The following DRD2 variants were observed in gnomAD, a reference collection of about 807,000 sequenced individuals.
DRD2 encodes the protein dopamine receptor D2.
A neutral mutation model predicts 38.0 loss-of-function variants in DRD2; 8 were observed. The ratio of observed to expected loss-of-function variants is 0.21; its 90% CI spans 0.12 to 0.38. The LOEUF (loss-of-function observed/expected upper bound fraction) is 0.38. Ranked by LOEUF, DRD2 falls within the 10% of genes least tolerant of loss-of-function variation. DRD2 has a pLI of 1.00. For synonymous variants in DRD2, 230 were observed against 238.6 expected, an observed-to-expected ratio of 0.96 and a Z score of 0.33; for missense variants, 403 against 607.7, an observed-to-expected ratio of 0.66 and a Z score of 3.54.
intron 1 of DRD2, among the ~76,000 whole-genome samples, chr11:113,454,258 A>T (rs540732437): frequency 5.3e-5 from 8 of 152,344 alleles, no homozygotes; most frequent in African/African-American, 1.2e-4. Context: ...TGAAGGAATT[A>T]GGATTCACGC....
intron 1 of DRD2, among the ~76,000 whole-genome samples, chr11:113,452,501 G>A (rs1170337018): frequency 6.7e-6 from 1 of 150,264 alleles, no homozygotes; most frequent in African/African-American, 2.5e-5. Flanking sequence ...TTGGGGGACA[G>A]GAAATGAGAC....
At chr11:113,470,080 CT>C (rs1951408901) in intron 1 of DRD2, among the ~76,000 whole-genome samples, 1 of 152,148 alleles carries the variant, frequency 6.6e-6, no homozygotes, top group Non-Finnish European at 1.5e-5. Flanking sequence ...AAGCCTGGTA[CT>C]AAGCCACTTT....
intron 1 of DRD2, among the ~76,000 whole-genome samples, chr11:113,426,668 T>A (rs1291105528): frequency 2.6e-5 from 4 of 152,146 alleles, no homozygotes; most frequent in Non-Finnish European, 5.9e-5. Flanking sequence ...CTTCCAGCTT[T>A]AGTAGAAGAA....
chr11:113,416,869 T>C lies in DRD2; in HGVS notation c.526A>G (p.Asn176Asp), dbSNP rs776148708. ...ISCPLLFGLN[N>D]ADQNECIIAN... is the part of the protein sequence containing the mutation. ...AAACAAAAGCAGAATGTACCTGCGTTATTGAGTCCGAAGAGGAGTGGGCAG... is the reference window on the plus strand; with the variant it reads ...AAACAAAAGCAGAATGTACCTGCGTCATTGAGTCCGAAGAGGAGTGGGCAG... The change falls in exon 4 of 8, where the codon AAC becomes GAC. Residue 176 changes from asparagine (N) to aspartate (D), a missense_variant. Coordinates refer to ENST00000362072, the MANE Select transcript of DRD2 (RefSeq NM_000795.4). 9.9e-6 allele frequency: 16 copies of C among 1,613,838 alleles called. No homozygotes were observed. The East Asian group carries it at 3.3e-4, about 34-fold the overall frequency.
chr11:113,423,647 T>C (rs1950907217), intron 2 of DRD2, among the ~76,000 whole-genome samples: 1 of 152,200 alleles, frequency 6.6e-6, no homozygotes, highest in Non-Finnish European at 1.5e-5. Flanking sequence ...TGGGTCTGTG[T>C]CAGCAATGCA....
rs1950780677 is a variant in DRD2 at position 113,412,690 on chromosome 11, G to T, written c.1004C>A (p.Pro335His). ...GATCTCAAAGATCTTGGCAATCTTG[G>T]GGTGGTCTTTGGCATGCCCATTCTT... ...PEKNGHAKDH[P>H]KIAKIFEIQT... The change falls in exon 7 of 8, where the codon CCC (proline) becomes CAC (histidine). Residue 335 changes from proline (P) to histidine (H), a missense_variant. By Grantham distance (77) the Pro-to-His change is moderately conservative. Coordinates refer to ENST00000362072, the MANE Select transcript of DRD2 (RefSeq NM_000795.4). 1 of 1,614,246 alleles carries T rather than the reference G, an allele frequency of 6.2e-7. No homozygotes were observed. Among genetic ancestry groups the T allele is most frequent in the African/African-American group, 1.3e-5 (1 of 75,064 alleles).
intron 1 of DRD2, among the ~76,000 whole-genome samples, chr11:113,441,655 G>A (rs1011243482): frequency 2.6e-5 from 4 of 152,076 alleles, no homozygotes; most frequent in African/African-American, 7.2e-5. Flanking sequence ...AGGACAGCCC[G>A]GCTCATGAGG....
intron 2 of DRD2, among the ~76,000 whole-genome samples, chr11:113,424,139 A>G (rs1225251032): frequency 1.3e-5 from 2 of 152,258 alleles, no homozygotes; most frequent in Non-Finnish European, 2.9e-5. Flanking sequence ...TAAAGTCCCT[A>G]CGTGAGGCCC....
intron 7 of DRD2, among the ~76,000 whole-genome samples, chr11:113,411,135 T>C (rs919395976): frequency 2.0e-5 from 3 of 152,098 alleles, no homozygotes; most frequent in African/African-American, 4.8e-5. Context: ...CTTCCCTCAT[T>C]TGTCCCTTTC....
intron 1 of DRD2, among the ~76,000 whole-genome samples, chr11:113,446,748 C>T (rs916834870): frequency 6.6e-6 from 1 of 152,174 alleles, no homozygotes; most frequent in Non-Finnish European, 1.5e-5. Flanking sequence ...CACATTGATG[C>T]AAGTAGTTGT....
chr11:113,412,971 C>T, intron 6 of DRD2, 88 bp from the exon 7 acceptor site: 1 of 1,404,768 alleles, frequency 7.1e-7, no homozygotes, highest in Non-Finnish European at 9.7e-7. Flanking sequence ...CTTTCCCCCT[C>T]TGAAGACTCC....
chr11:113,445,788 C>T (rs1423247571), intron 1 of DRD2, among the ~76,000 whole-genome samples: 1 of 152,210 alleles, frequency 6.6e-6, no homozygotes, highest in East Asian at 1.9e-4. Flanking sequence ...TCCATGAATC[C>T]TCATCACGTC....
chr11:113,443,197 T>C (rs1474621613), intron 1 of DRD2, among the ~76,000 whole-genome samples: 1 of 152,196 alleles, frequency 6.6e-6, no homozygotes, highest in Non-Finnish European at 1.5e-5. Flanking sequence ...TTTCTCACCA[T>C]GGCCTCTATT....
At chr11:113,440,919 A>G (rs1951084503) in intron 1 of DRD2, among the ~76,000 whole-genome samples, 1 of 152,206 alleles carries the variant, frequency 6.6e-6, no homozygotes, top group African/African-American at 2.4e-5. Flanking sequence ...GGCAAACAAC[A>G]TAATGTTGCT....
At position 113,415,489 on chromosome 11, in the gene DRD2, G is replaced by A. The variant is rs987305741; in HGVS notation, c.655C>T (p.Arg219Cys). The A allele has an allele frequency of 5.0e-6, 8 of 1,614,030 alleles. No individual in the cohort carries two copies. Among genetic ancestry groups the A allele is most frequent in the African/African-American group, 1.3e-5 (1 of 74,920 alleles). Residue 219 changes from arginine to cysteine, a missense_variant, in exon 5 of 8, where the codon CGC (arginine) becomes TGC (cysteine). Physicochemically the swap from Arg to Cys is radical, Grantham distance 180. Coordinates refer to ENST00000362072, the MANE Select transcript of DRD2 (RefSeq NM_000795.4). ...YIKIYIVLRR[R>C]RKRVNTKRSS... ...CGTTTGGTGTTGACTCGCTTGCGGC[G>A]TCTGCGGAGGACAATGTAGATCTTG...
At chr11:113,417,924 G>T in intron 3 of DRD2, 103 bp downstream of exon 3, 1 of 907,862 alleles carries the variant, frequency 1.1e-6, no homozygotes, top group Non-Finnish European at 1.8e-6. Context: ...ACAGCCAGCT[G>T]CACAGCATCA....
chr11:113,445,993 C>T (rs549600476), intron 1 of DRD2, among the ~76,000 whole-genome samples: 9 of 152,252 alleles, frequency 5.9e-5, no homozygotes, highest in East Asian at 3.9e-4. Flanking sequence ...GGCCTGGGTC[C>T]GTGAGTTCCA....
At chr11:113,451,295 A>G (rs1384458097) in intron 1 of DRD2, among the ~76,000 whole-genome samples, 1 of 152,182 alleles carries the variant, frequency 6.6e-6, no homozygotes, top group Non-Finnish European at 1.5e-5. Context: ...GCCTAAACCT[A>G]TGAGATAGAT....
chr11:113,413,865 C>A, intron 6 of DRD2: 1 of 188,806 alleles, frequency 5.3e-6, no homozygotes, highest in East Asian at 1.6e-4. Flanking sequence ...TGCTCTGCTG[C>A]GTCCTACCCC....
Sources: allele counts gnomAD v4.1 joint callset (sites outside exome capture counted in the v4.1 genomes callset), GRCh38; gene constraint gnomAD v4.1.1; transcripts MANE v1.5; gene names NCBI Gene and HGNC (gene_info 2026-07-23, HGNC 2026-07-21).